ARB2A: variants seen among roughly 807,000 people sequenced by gnomAD.
ARB2A encodes cotranscriptional regulator ARB2A.
At chr5:93,889,488 T>C in the ARB2A span, among the ~76,000 whole-genome samples, 6 of 151,948 alleles carry the variant, frequency 3.9e-5, no homozygotes, top group Non-Finnish European at 7.4e-5. Flanking sequence ...TTATGAGTTA[T>C]GGTTTCTTTG....
chr5:93,925,922 C>T, the ARB2A span, among the ~76,000 whole-genome samples: 1 of 152,236 alleles, frequency 6.6e-6, no homozygotes, highest in East Asian at 1.9e-4. Context: ...TACTTTCCTC[C>T]ATTCTGTTAA....
At chr5:93,703,293 G>A in the ARB2A span, among the ~76,000 whole-genome samples, 1 of 152,130 alleles carries the variant, frequency 6.6e-6, no homozygotes, top group Non-Finnish European at 1.5e-5. Flanking sequence ...GAAGTAGTGT[G>A]GTTTGCAACT....
chr5:93,624,013 G>A, the ARB2A span, among the ~76,000 whole-genome samples: 2 of 152,102 alleles, frequency 1.3e-5, no homozygotes, highest in Non-Finnish European at 2.9e-5. Context: ...AATATTTACA[G>A]ATGAATATGA....
At chr5:93,935,767 T>C in the ARB2A span, among the ~76,000 whole-genome samples, 1 of 152,372 alleles carries the variant, frequency 6.6e-6, no homozygotes, top group Non-Finnish European at 1.5e-5. Context: ...AAGTTCATTT[T>C]ATTCTTATGT....
At chr5:93,873,461 G>GGGGAAA in the ARB2A span, among the ~76,000 whole-genome samples, 1 of 151,644 alleles carries the variant, frequency 6.6e-6, no homozygotes, top group Admixed American at 6.6e-5. Context: ...AAAAGGAAAA[G>GGGGAAA]GGGAAAGGGA....
chr5:93,894,185 CAT>C, the ARB2A span, among the ~76,000 whole-genome samples: 123 of 152,176 alleles, frequency 8.1e-4, no homozygotes, highest in Non-Finnish European at 1.5e-3. Context: ...CGTTGTCATG[CAT>C]ATGTCTGTTT....
At chr5:93,669,725 T>G in the ARB2A span, among the ~76,000 whole-genome samples, 1 of 152,134 alleles carries the variant, frequency 6.6e-6, no homozygotes, top group Non-Finnish European at 1.5e-5. Flanking sequence ...ATTTGGAGGG[T>G]GTACACAGCC....
At chr5:94,015,333 TC>T in the ARB2A span, among the ~76,000 whole-genome samples, 1 of 151,996 alleles carries the variant, frequency 6.6e-6, no homozygotes, top group African/African-American at 2.4e-5. Flanking sequence ...ATAAAGTCTT[TC>T]GTAGACAAAC....
At chr5:93,804,794 C>G in the ARB2A span, 3 of 526,674 alleles carry the variant, frequency 5.7e-6, no homozygotes, top group Non-Finnish European at 4.9e-6. Flanking sequence ...TTGCCTAAAA[C>G]AAAGTATATC....
the ARB2A span, among the ~76,000 whole-genome samples, chr5:93,944,456 T>A: frequency 6.6e-6 from 1 of 151,878 alleles, no homozygotes; most frequent in Non-Finnish European, 1.5e-5. Flanking sequence ...AATAAAAGTG[T>A]GCCTATACTC....
the ARB2A span, among the ~76,000 whole-genome samples, chr5:93,716,339 T>C: frequency 2.8e-4 from 42 of 152,314 alleles, no homozygotes; most frequent in Non-Finnish European, 5.7e-4. Context: ...ATTTATAAAC[T>C]ACTATTAAGA....
chr5:93,865,845 A>C, the ARB2A span: 5 of 985,440 alleles, frequency 5.1e-6, no homozygotes, highest in South Asian at 2.3e-4. Context: ...TGATATTTAT[A>C]CAATTTGTGA....
chr5:93,823,203 T>C, the ARB2A span, among the ~76,000 whole-genome samples: 1 of 152,208 alleles, frequency 6.6e-6, no homozygotes, highest in Non-Finnish European at 1.5e-5. Context: ...TCCCATGAAT[T>C]CTTCACTAAT....
At chr5:93,873,935 C>A in the ARB2A span, among the ~76,000 whole-genome samples, 8 of 152,276 alleles carry the variant, frequency 5.3e-5, no homozygotes, top group South Asian at 1.5e-3. Flanking sequence ...ATGAATTCTA[C>A]TTTACTTTCT....
chr5:93,897,180 AC>A, the ARB2A span, among the ~76,000 whole-genome samples: 1 of 152,022 alleles, frequency 6.6e-6, no homozygotes, highest in Non-Finnish European at 1.5e-5. Flanking sequence ...ATCAAAACAA[AC>A]AAAAAGTTAT....
At chr5:93,793,239 ATTTTT>A in the ARB2A span, among the ~76,000 whole-genome samples, 5,046 of 64,908 alleles carry the variant, frequency 0.078, 225 homozygotes, top group East Asian at 0.28. Context: ...CTTCTGGCTA[ATTTTT>A]TTTTTTTTTT....
chr5:94,051,040 C>A, the ARB2A span, among the ~76,000 whole-genome samples: 9 of 152,232 alleles, frequency 5.9e-5, no homozygotes, highest in African/African-American at 2.2e-4. Context: ...AAAAGTTATT[C>A]TTCTTGACCT....
the ARB2A span, among the ~76,000 whole-genome samples, chr5:93,704,511 A>T: frequency 1.3e-5 from 2 of 152,188 alleles, no homozygotes; most frequent in African/African-American, 4.8e-5. Flanking sequence ...CTGCAGTGAG[A>T]CTTGATCATG....
At chr5:93,839,236 A>C in the ARB2A span, among the ~76,000 whole-genome samples, 1 of 152,100 alleles carries the variant, frequency 6.6e-6, no homozygotes, top group African/African-American at 2.4e-5. Context: ...TTTATTGAGG[A>C]TTTTTAACAT....
Sources: allele counts gnomAD v4.1 joint callset (sites outside exome capture counted in the v4.1 genomes callset), GRCh38; gene constraint gnomAD v4.1.1; transcripts MANE v1.5; gene names NCBI Gene and HGNC (gene_info 2026-07-23, HGNC 2026-07-21).